Variants in XRN1 observed in about 807,000 individuals in gnomAD.
The protein encoded by XRN1 is 5'-3' exoribonuclease 1.
Under a neutral mutation model 222.3 loss-of-function variants are expected in XRN1, and 67 were observed. The ratio of observed to expected loss-of-function variants is 0.30; its 90% CI spans 0.25 to 0.37. The LOEUF (loss-of-function observed/expected upper bound fraction) is 0.37, where lower values mean the gene tolerates loss of function less well. XRN1 is among the 10% of genes least tolerant of loss of function. The pLI, the probability that XRN1 is intolerant of heterozygous loss-of-function variation, is 1.00. For missense variants in XRN1, 1,707 were observed against 2,000.2 expected, an observed-to-expected ratio of 0.85 and a Z score of 2.80; for synonymous variants, 643 against 652.4, an observed-to-expected ratio of 0.99 and a Z score of 0.22.
At chr3:142,342,117 A>T in intron 33 of XRN1, among the ~76,000 whole-genome samples, 1 of 152,228 alleles carries the variant, frequency 6.6e-6, no homozygotes, top group Admixed American at 6.5e-5. Flanking sequence ...TTCAGGATGC[A>T]AAATCAACAT....
At chr3:142,415,324 T>C (rs760119397) in intron 13 of XRN1, among the ~76,000 whole-genome samples, 14 of 148,606 alleles carry the variant, frequency 9.4e-5, no homozygotes, top group Non-Finnish European at 1.8e-4. Context: ...AATTATGGCG[T>C]ACATTTCAAA....
At chr3:142,431,870 T>TAATATA (rs1204477345) in intron 2 of XRN1, among the ~76,000 whole-genome samples, 1 of 21,486 alleles carries the variant, frequency 4.7e-5, no homozygotes, top group African/African-American at 3.3e-4. Flanking sequence ...ATATAATATA[T>TAATATA]TATATTATAT....
At chr3:142,425,808 C>T (rs2069223053) in intron 3 of XRN1, among the ~76,000 whole-genome samples, 1 of 152,054 alleles carries the variant, frequency 6.6e-6, no homozygotes, top group East Asian at 1.9e-4. Context: ...AGTGTCTCAG[C>T]ACTGTGCTTC....
chr3:142,327,202 T>C (rs533117308), intron 37 of XRN1, among the ~76,000 whole-genome samples: 130 of 152,280 alleles, frequency 8.5e-4, no homozygotes, highest in African/African-American at 3.0e-3. Flanking sequence ...CTTTCAGCGT[T>C]TGGCAGAATT....
At chr3:142,385,860 C>A (rs2067481034) in intron 20 of XRN1, among the ~76,000 whole-genome samples, 1 of 151,882 alleles carries the variant, frequency 6.6e-6, no homozygotes, top group Admixed American at 6.6e-5. Context: ...TTTTAGTATG[C>A]CCGTATTACT....
intron 1 of XRN1, chr3:142,436,122 GA>G (rs1422727321): frequency 6.7e-6 from 1 of 148,208 alleles, no homozygotes; most frequent in African/African-American, 2.5e-5. Context: ...ATTCAGAAAT[GA>G]ATAAACAAAA....
chr3:142,442,565 C>G (rs994904160), intron 1 of XRN1, among the ~76,000 whole-genome samples: 1 of 151,974 alleles, frequency 6.6e-6, no homozygotes, highest in Non-Finnish European at 1.5e-5. Context: ...TACTTAAAAC[C>G]CTTCACCAAA....
At position 142,312,992 on chromosome 3, in the gene XRN1, G is replaced by C. The variant is rs530100621; in HGVS notation, c.4622-234C>G. On this transcript the variant is annotated intron_variant, in intron 39 of 40. Coordinates refer to ENST00000392981, the MANE Select transcript of XRN1 (RefSeq NM_001282857.2). ...TTTATCATTATACTGGCCTGAAAAG[G>C]AGAATACTACTACTAATATCATATG... 239 of 998,278 alleles carry C rather than the reference G, an allele frequency of 2.4e-4. 1 individual carries two copies. The highest frequency in any genetic ancestry group is 4.6e-4 in the Admixed American group (17 of 36,602). 61.8% of individuals were successfully genotyped at this position (998,278 alleles called of 1,614,324 possible).
chr3:142,398,520 C>A (rs2068014673), intron 19 of XRN1, among the ~76,000 whole-genome samples: 1 of 151,956 alleles, frequency 6.6e-6, no homozygotes, highest in Non-Finnish European at 1.5e-5. Flanking sequence ...GTGCACACCA[C>A]CATGCCTAGC....
intron 2 of XRN1, among the ~76,000 whole-genome samples, chr3:142,430,184 T>C (rs935825438): frequency 6.6e-5 from 10 of 152,202 alleles, no homozygotes; most frequent in African/African-American, 2.4e-4. Flanking sequence ...TGTAGTGCTG[T>C]TTGGGAAGTT....
intron 31 of XRN1, among the ~76,000 whole-genome samples, chr3:142,356,336 T>C (rs529842456): frequency 1.3e-5 from 2 of 152,306 alleles, no homozygotes; most frequent in South Asian, 2.1e-4. Context: ...CATCTACTTA[T>C]CTGTGTTTTC....
At chr3:142,328,825 C>T (rs1220834845) in intron 37 of XRN1, among the ~76,000 whole-genome samples, 2 of 138,556 alleles carry the variant, frequency 1.4e-5, no homozygotes, top group Admixed American at 7.7e-5. Flanking sequence ...ATGGCATAAT[C>T]GTGGCTCACT....
intron 2 of XRN1, among the ~76,000 whole-genome samples, chr3:142,430,982 T>C (rs2069495802): frequency 6.6e-6 from 1 of 152,188 alleles, no homozygotes; most frequent in Admixed American, 6.5e-5. Flanking sequence ...AGTCCATCAA[T>C]TGCATTCTGA....
chr3:142,420,907 GAAAT>G, intron 10 of XRN1, 105 bp downstream of exon 10: 1 of 1,406,678 alleles, frequency 7.1e-7, no homozygotes, highest in Non-Finnish European at 9.9e-7. Context: ...GAGAGGAAGA[GAAAT>G]AAAACGAGGC....
At chr3:142,420,696 T>C (rs558727123) in intron 10 of XRN1, among the ~76,000 whole-genome samples, 1 of 152,104 alleles carries the variant, frequency 6.6e-6, no homozygotes, top group Non-Finnish European at 1.5e-5. Flanking sequence ...TAATAACATG[T>C]TTTAAGTAAT....
chr3:142,445,314 G>A (rs757141205), intron 1 of XRN1, among the ~76,000 whole-genome samples: 2 of 151,772 alleles, frequency 1.3e-5, no homozygotes, highest in Non-Finnish European at 1.5e-5. Flanking sequence ...AACTCATTGT[G>A]AAATAGATAA....
chr3:142,412,276 AACTG>A (rs1182953869), intron 15 of XRN1, among the ~76,000 whole-genome samples: 1 of 152,160 alleles, frequency 6.6e-6, no homozygotes, highest in African/African-American at 2.4e-5. Context: ...TCTTGAACTG[AACTG>A]ACTCTTTTAT....
intron 37 of XRN1, among the ~76,000 whole-genome samples, chr3:142,324,866 A>G (rs939993982): frequency 1.3e-4 from 20 of 152,190 alleles, no homozygotes; most frequent in African/African-American, 4.3e-4. Flanking sequence ...GCATTTTTTC[A>G]TATGTCTGTT....
Position 142,421,038 on chromosome 3 carries a change from T to C in XRN1, c.1151A>G (p.Tyr384Cys). 1 of 1,614,052 alleles carries C rather than the reference T, an allele frequency of 6.2e-7. No individual in the cohort carries two copies. The highest frequency in any genetic ancestry group is 8.5e-7 in the Non-Finnish European group (1 of 1,179,978). ...CACCTTTAACTTTTTCTTTTCCTTG[T>C]AGTTCCTGGCTTCTTCTGCTGCGAC... ...AGVAAEEARN[Y>C]KEKKKLKGQE... Residue 384 changes from tyrosine to cysteine, a missense_variant, in exon 10 of 41, where the codon TAC becomes TGC. This residue lies in a region of XRN1 where 1,234 missense variants were observed against 1,518.2 expected (regional missense o/e 0.81). Coordinates refer to ENST00000392981, the MANE Select transcript of XRN1 (RefSeq NM_001282857.2).
Sources: allele counts gnomAD v4.1 joint callset (sites outside exome capture counted in the v4.1 genomes callset), GRCh38; gene constraint gnomAD v4.1.1; regional missense constraint gnomAD v4.1.1; transcripts MANE v1.5; gene names NCBI Gene and HGNC (gene_info 2026-07-23, HGNC 2026-07-21).